The following RBFOX1 variants were observed in gnomAD, a reference collection of about 807,000 sequenced individuals.
RBFOX1 encodes RNA binding fox-1 homolog 1, also known as RNA binding protein fox-1 homolog 1.
A neutral mutation model predicts 57.7 loss-of-function variants in RBFOX1; 8 were observed. The ratio of observed to expected loss-of-function variants is 0.14; its 90% CI spans 0.08 to 0.25. The LOEUF (loss-of-function observed/expected upper bound fraction) is 0.25, where lower values mean the gene tolerates loss of function less well. Ranked by LOEUF, RBFOX1 falls within the 10% of genes least tolerant of loss-of-function variation. RBFOX1 has a pLI of 1.00. For missense variants in RBFOX1, 611 were observed against 548.5 expected (o/e 1.11, Z -1.14); for synonymous variants, 326 against 222.4 (o/e 1.47, Z -4.15).
chr16:6,055,459 GGTGCGTGCCTTTAATCCCAGCTATTC>G (rs2095603131), intron 1 of RBFOX1, among the ~76,000 whole-genome samples: 1 of 151,804 alleles, frequency 6.6e-6, no homozygotes, highest in Non-Finnish European at 1.5e-5. Flanking sequence ...GAGGTGTTGT[GGTGCGTGCCTTTAATCCCAGCTATTC>G]GGGAGGCTGA....
At chr16:7,414,963 C>T (rs944966831) in intron 4 of RBFOX1, among the ~76,000 whole-genome samples, 16 of 152,132 alleles carry the variant, frequency 1.1e-4, no homozygotes, top group African/African-American at 3.4e-4. Flanking sequence ...GAAGGTGTTT[C>T]ATCCCAACAT....
chr16:7,621,032 G>T (rs2059239261), intron 10 of RBFOX1, among the ~76,000 whole-genome samples: 1 of 152,032 alleles, frequency 6.6e-6, no homozygotes, highest in East Asian at 1.9e-4. Context: ...GAAATGCAGA[G>T]TCTCAGGCCC....
chr16:7,181,340 C>A lies in RBFOX1; in HGVS notation c.27+129242C>A, dbSNP rs947662125. ...CCATGTCATCCTTCTCTGCCCTCTCCAAACCCCTTTGGTTCTACTTTTCCC... is the reference window on the plus strand; with the variant it reads ...CCATGTCATCCTTCTCTGCCCTCTCAAAACCCCTTTGGTTCTACTTTTCCC... On this transcript the variant is annotated intron_variant, in intron 4 of 15. Coordinates refer to ENST00000550418, the MANE Select transcript of RBFOX1 (RefSeq NM_018723.4). Among the ~76,000 whole-genome samples, 4 of 152,144 alleles carry A rather than the reference C, an allele frequency of 2.6e-5. No individual in the cohort carries two copies. The South Asian group carries it at 6.2e-4, about 24-fold the overall frequency.
intron 3 of RBFOX1, among the ~76,000 whole-genome samples, chr16:6,677,153 A>C (rs1180518712): frequency 6.6e-6 from 1 of 152,218 alleles, no homozygotes; most frequent in African/African-American, 2.4e-5. Flanking sequence ...GATGAAATAG[A>C]ATTCCAAAAT....
chr16:7,326,589 C>T (rs981680942), intron 4 of RBFOX1, among the ~76,000 whole-genome samples: 1 of 152,094 alleles, frequency 6.6e-6, no homozygotes, highest in Non-Finnish European at 1.5e-5. Context: ...GCCTTCCAAG[C>T]ACCAGGAACA....
rs117906683 is a variant in RBFOX1, at chr16:5,583,575, T to A, written c.259-15327T>A. Reference sequence around the variant, plus strand: ...GCTGTGATTCTGGAGGCTGCCTGATTCACGAATTGTTTCTTTTCTTTGCTC... The same window carrying A: ...GCTGTGATTCTGGAGGCTGCCTGATACACGAATTGTTTCTTTTCTTTGCTC... On this transcript the variant is annotated intron_variant, in intron 2 of 2. Coordinates refer to the RBFOX1 transcript ENST00000585867. Among the ~76,000 whole-genome samples, 488 of 152,352 alleles carry A rather than the reference T, an allele frequency of 3.2e-3. 1 individual carries two copies. The highest frequency in any genetic ancestry group is 5.5e-3 in the Non-Finnish European group (374 of 68,042).
At position 6,004,439 on chromosome 16, in the gene RBFOX1, C is replaced by A. The variant is rs569771031; in HGVS notation, c.351+137104C>A. 1.1e-4 allele frequency among the ~76,000 whole-genome samples: 17 copies of A among 152,316 alleles called. No individual in the cohort carries two copies. In the South Asian group the frequency reaches 3.5e-3, roughly 32 times the overall value. ...AGGAAAGTGTACATAGGAAGCATTA[C>A]TGAAGCATTTGTGAACTTAAAAAAT... On this transcript the variant is annotated intron_variant, in intron 4 of 19. Coordinates refer to the RBFOX1 transcript ENST00000641259.
chr16:7,081,905 G>T (rs551963853), intron 4 of RBFOX1, among the ~76,000 whole-genome samples: 1 of 152,226 alleles, frequency 6.6e-6, no homozygotes, highest in East Asian at 1.9e-4. Flanking sequence ...GTGGAGTTTG[G>T]GATAATGTAG....
At chr16:6,612,820 C>G (rs1036523744) in intron 2 of RBFOX1, among the ~76,000 whole-genome samples, 7 of 147,038 alleles carry the variant, frequency 4.8e-5, no homozygotes, top group South Asian at 2.2e-4. Context: ...CCACTGCACT[C>G]CAGCCTGGGA....
chr16:5,293,811 G>A (rs1177697388), intron 1 of RBFOX1, among the ~76,000 whole-genome samples: 1 of 151,272 alleles, frequency 6.6e-6, no homozygotes, highest in South Asian at 2.1e-4. Context: ...GGGGGCGGGG[G>A]GTGTTAATGA....
chr16:7,022,892 G>A (rs891782000), intron 3 of RBFOX1, among the ~76,000 whole-genome samples: 9 of 152,156 alleles, frequency 5.9e-5, no homozygotes, highest in African/African-American at 2.2e-4. Context: ...GAATGCTGCA[G>A]AACTAGGGCT....
rs182871144 is a variant in RBFOX1, at chr16:6,967,670, C to T, written c.-15-84387C>T. Among the ~76,000 whole-genome samples, 30 of 152,152 alleles carry T rather than the reference C, an allele frequency of 2.0e-4. No homozygotes were observed. In the East Asian group the frequency reaches 5.6e-3, roughly 29 times the overall value. On this transcript the variant is annotated intron_variant, in intron 3 of 15. Coordinates refer to ENST00000550418, the MANE Select transcript of RBFOX1 (RefSeq NM_018723.4). ...TGTGTTCAGTAATTATATTGCTCTTCTAAGGGCCTGGTTCAAGACATTGAA... is the reference window on the plus strand; with the variant it reads ...TGTGTTCAGTAATTATATTGCTCTTTTAAGGGCCTGGTTCAAGACATTGAA...
chr16:7,548,704 C>G (rs906619391), intron 5 of RBFOX1, among the ~76,000 whole-genome samples: 2 of 152,206 alleles, frequency 1.3e-5, no homozygotes, highest in Non-Finnish European at 2.9e-5. Flanking sequence ...ACCCATATCT[C>G]CCATCGCCTG....
chr16:5,868,260 A>G (rs938138635), intron 4 of RBFOX1, among the ~76,000 whole-genome samples: 1 of 152,242 alleles, frequency 6.6e-6, no homozygotes, highest in Non-Finnish European at 1.5e-5. Flanking sequence ...CCAGGAGCCC[A>G]GGGCTCTGTG....
chr16:5,939,286 C>A (rs2059233818), intron 4 of RBFOX1, among the ~76,000 whole-genome samples: 1 of 152,188 alleles, frequency 6.6e-6, no homozygotes, highest in South Asian at 2.1e-4. Context: ...TAAATCATCA[C>A]AAACTTAGAT....
At chr16:7,419,761 C>T (rs907739752) in intron 4 of RBFOX1, among the ~76,000 whole-genome samples, 1 of 152,274 alleles carries the variant, frequency 6.6e-6, no homozygotes, top group South Asian at 2.1e-4. Context: ...TCCGTGGCAC[C>T]TCCTATCTGG....
intron 14 of RBFOX1, among the ~76,000 whole-genome samples, chr16:7,677,761 T>C (rs1214963287): frequency 2.0e-5 from 3 of 152,188 alleles, no homozygotes; most frequent in Non-Finnish European, 4.4e-5. Context: ...TAAAAATATG[T>C]TTCACGAATA....
At chr16:6,830,339 T>C (rs1187304453) in intron 3 of RBFOX1, among the ~76,000 whole-genome samples, 2 of 152,230 alleles carry the variant, frequency 1.3e-5, no homozygotes. Context: ...GTTCCTAACA[T>C]TGTTTCATAA....
At chr16:7,214,748 T>C (rs1179972848) in intron 4 of RBFOX1, among the ~76,000 whole-genome samples, 1 of 152,100 alleles carries the variant, frequency 6.6e-6, no homozygotes, top group African/African-American at 2.4e-5. Flanking sequence ...GCCTAATTTT[T>C]CTCCATGGTT....
Sources: gnomAD v4.1 joint callset for allele counts (sites outside exome capture counted in the v4.1 genomes callset) on GRCh38, gnomAD v4.1.1 for gene constraint, MANE v1.5 for transcripts, NCBI Gene and HGNC (gene_info 2026-07-23, HGNC 2026-07-21) for gene names.